The following WDHD1 variants were observed in gnomAD, a reference collection of about 807,000 sequenced individuals.
The protein encoded by WDHD1 is WD repeat and HMG-box DNA-binding protein 1.
WDHD1 carries 111 observed loss-of-function variants against 135.4 expected under a neutral mutation model. The ratio of observed to expected loss-of-function variants is 0.82; its 90% CI spans 0.70 to 0.96. The LOEUF is 0.96. Ranked by LOEUF, WDHD1 falls within the 40% of genes least tolerant of loss-of-function variation. WDHD1 has a pLI of 0.00. For missense variants in WDHD1, 1,351 were observed against 1,336.3 expected, an observed-to-expected ratio of 1.01 and a Z score of -0.17; for synonymous variants, 434 against 439.0, an observed-to-expected ratio of 0.99 and a Z score of 0.14.
chr14:54,956,848 C>A (rs551233518), intron 23 of WDHD1, among the ~76,000 whole-genome samples, 186 bp downstream of exon 23: 1 of 152,268 alleles, frequency 6.6e-6, no homozygotes, highest in Admixed American at 6.5e-5. Context: ...CCTCAGCCTC[C>A]TGAGTATCTG....
intron 16 of WDHD1, among the ~76,000 whole-genome samples, chr14:54,969,819 A>C (rs1215875201): frequency 6.6e-6 from 1 of 152,170 alleles, no homozygotes. Context: ...CTAGCAAACC[A>C]AACCCAACAG....
intron 11 of WDHD1, among the ~76,000 whole-genome samples, chr14:54,993,143 G>C (rs1262578994): frequency 3.3e-5 from 5 of 151,806 alleles, no homozygotes; most frequent in Non-Finnish European, 2.9e-5. Context: ...TCTGAGACAG[G>C]GTCTCGTTCT....
chr14:55,020,740 A>C (rs922646077), intron 2 of WDHD1, among the ~76,000 whole-genome samples: 5 of 152,216 alleles, frequency 3.3e-5, no homozygotes, highest in African/African-American at 1.2e-4. Flanking sequence ...TCAAAAATCC[A>C]CATAGAAGTT....
chr14:55,011,231 C>G (rs1334146257), intron 3 of WDHD1, among the ~76,000 whole-genome samples: 1 of 152,016 alleles, frequency 6.6e-6, no homozygotes, highest in Non-Finnish European at 1.5e-5. Context: ...AAAAAAATGA[C>G]AATATGAAAG....
intron 7 of WDHD1, 35 bp downstream of exon 7, chr14:55,007,245 A>AAG (rs1555371809): frequency 6.4e-4 from 942 of 1,478,048 alleles, no homozygotes; most frequent in Non-Finnish European, 7.5e-4. Context: ...AAAAAAAAAA[A>AAG]AAAAGAAAAG....
At position 54,962,567 on chromosome 14, in the gene WDHD1, A is replaced by C; in HGVS notation, c.2648-16T>G. 1 of 1,597,872 alleles carries C rather than the reference A, an allele frequency of 6.3e-7. No homozygotes were observed. On this transcript the variant is annotated splice_polypyrimidine_tract_variant and intron_variant, in intron 20 of 25. Coordinates refer to ENST00000360586, the MANE Select transcript of WDHD1 (RefSeq NM_007086.4). ...GAGTTCTGTCCTACAGATTAAAATA[A>C]AGCAATATAATGTAAATGGGGAAAA...
In WDHD1 at chr14:54,959,789, C is replaced by A. The variant is rs141594372; in HGVS notation, c.2702-2154G>T. 3.2e-3 allele frequency among the ~76,000 whole-genome samples: 486 copies of A among 152,012 alleles called. 3 individuals are homozygous for A. The highest frequency in any genetic ancestry group is 0.011 in the African/African-American group (458 of 41,432). On this transcript the variant is annotated intron_variant, in intron 21 of 25. Transcript: ENST00000360586. Reference sequence around the variant, plus strand: ...GCAAGATACCCTGTATCCGCACCCCCCCCACCAAACAAAAAAAACAAACAA... The same window carrying A: ...GCAAGATACCCTGTATCCGCACCCCACCCACCAAACAAAAAAAACAAACAA...
intron 23 of WDHD1, among the ~76,000 whole-genome samples, chr14:54,955,922 GA>G (rs2041151969): frequency 7.5e-6 from 1 of 133,346 alleles, no homozygotes; most frequent in African/African-American, 2.9e-5. Flanking sequence ...TTTTGAGACG[GA>G]GTCTCACTCT....
intron 24 of WDHD1, among the ~76,000 whole-genome samples, chr14:54,952,952 C>T (rs8006977): frequency 0.42 from 63,709 of 151,974 alleles, 15,084 homozygotes; most frequent in African/African-American, 0.65. Context: ...ATCCATTCCT[C>T]ACATCTTATA....
chr14:54,955,396 C>A (rs1219680681), intron 24 of WDHD1, among the ~76,000 whole-genome samples, 165 bp downstream of exon 24: 10 of 152,072 alleles, frequency 6.6e-5, no homozygotes. Flanking sequence ...TATAAATAGA[C>A]ATTAATATTT....
intron 11 of WDHD1, among the ~76,000 whole-genome samples, chr14:54,991,810 A>G (rs764533068): frequency 3.3e-5 from 5 of 152,146 alleles, no homozygotes; most frequent in African/African-American, 4.8e-5. Flanking sequence ...ATTTTTTTTC[A>G]TACAACACTA....
At chr14:54,976,196 G>A (rs2041521516) in intron 16 of WDHD1, among the ~76,000 whole-genome samples, 1 of 152,078 alleles carries the variant, frequency 6.6e-6, no homozygotes, top group African/African-American at 2.4e-5. Context: ...AGCAAACAGA[G>A]GCATTAAAAA....
intron 18 of WDHD1, among the ~76,000 whole-genome samples, chr14:54,964,669 T>G (rs1457875573): frequency 1.3e-5 from 2 of 151,142 alleles, no homozygotes; most frequent in Non-Finnish European, 2.9e-5. Context: ...AAAGGAATAG[T>G]CTGGTTTCCA....
chr14:54,963,107 A>G lies in WDHD1; in HGVS notation c.2376T>C (p.Ala792=), dbSNP rs2041281045. The change falls in exon 19 of 26, where the codon GCT becomes GCC. Residue 792 remains alanine (A), a synonymous_variant. Transcript: ENST00000360586. ...AAGCATATTTAATGGCTAAATTCAC[A>G]GCATTTTGAGTCATTAGATCAGCAA... ...VELADLMTQN[A]VNLAIKYASR... The G allele has an allele frequency of 2.0e-6, 3 of 1,466,964 alleles. No individual in the cohort carries two copies. Among genetic ancestry groups the G allele is most frequent in the Admixed American group, 1.9e-5 (1 of 53,426 alleles). The allele number at this position is 1,466,964 out of a possible 1,614,324, so 90.9% of individuals were successfully genotyped here.
At chr14:54,942,756 C>G (rs2040859527) in intron 25 of WDHD1, among the ~76,000 whole-genome samples, 2 of 152,180 alleles carry the variant, frequency 1.3e-5, no homozygotes, top group Admixed American at 1.3e-4. Flanking sequence ...CTTTATTTCC[C>G]TGGCCATTTC....
chr14:54,972,553 CAAAAAAAAAAAAAAAAAAAA>C (rs71410642), intron 16 of WDHD1, among the ~76,000 whole-genome samples: 559 of 25,510 alleles, frequency 0.022, 22 homozygotes, highest in Middle Eastern at 0.13. Context: ...AAGACTGTCA[CAAAAAAAAAAAAAAAAAAAA>C]AAAAAAAAAA....
At chr14:54,955,504 C>T (rs2041137519) in intron 24 of WDHD1, 57 bp downstream of exon 24, 4 of 1,409,440 alleles carry the variant, frequency 2.8e-6, no homozygotes, top group South Asian at 1.9e-5. Context: ...TTTTGTATTG[C>T]TGCTACTGTA....
chr14:54,960,560 C>T (rs965228055), intron 21 of WDHD1, among the ~76,000 whole-genome samples: 4 of 138,520 alleles, frequency 2.9e-5, no homozygotes, highest in Non-Finnish European at 6.3e-5. Context: ...AGTGCAGTGG[C>T]GTGATCTCCA....
At chr14:54,989,236 T>A (rs1355922700) in intron 12 of WDHD1, 24 bp from the exon 13 acceptor site, 1 of 1,576,198 alleles carries the variant, frequency 6.3e-7, no homozygotes, top group Non-Finnish European at 8.6e-7. Flanking sequence ...AGATTAAATA[T>A]AAGTCTGAGA....
Sources: gnomAD v4.1 joint callset for allele counts (sites outside exome capture counted in the v4.1 genomes callset) on GRCh38, gnomAD v4.1.1 for gene constraint, MANE v1.5 for transcripts, NCBI Gene and HGNC (gene_info 2026-07-23, HGNC 2026-07-21) for gene names.